The following DCHS2 variants were observed in gnomAD, a reference collection of about 807,000 sequenced individuals.
The protein encoded by DCHS2 is dachsous cadherin-related 2, also known as protocadherin-23.
DCHS2 carries 142 observed loss-of-function variants against 182.4 expected under a neutral mutation model. The observed-to-expected ratio is 0.78, with a 90% CI of 0.68 to 0.89. The LOEUF is 0.89. Among genes scored for constraint, DCHS2 ranks in the 40% least tolerant of loss-of-function variants. The pLI, the probability that DCHS2 is intolerant of heterozygous loss-of-function variation, is 0.00. For missense variants in DCHS2, 4,319 were observed against 4,198.6 expected (o/e 1.03, Z -0.79); for synonymous variants, 1,740 against 1,663.3 (o/e 1.05, Z -1.12).
chr4:154,239,449 G>C (rs1411631219), intron 18 of DCHS2, 147 bp from the exon 19 acceptor site: 3 of 1,258,204 alleles, frequency 2.4e-6, no homozygotes, highest in Non-Finnish European at 3.3e-6. Flanking sequence ...ATTAATTTAT[G>C]GAATTGGCAT....
intron 3 of DCHS2, chr4:154,355,620 C>A (rs1278455369): frequency 2.0e-5 from 3 of 152,160 alleles, no homozygotes; most frequent in Admixed American, 6.5e-5. Flanking sequence ...GGTCCAAGAA[C>A]CCTCTCTTGG....
intron 4 of DCHS2, 167 bp from the exon 5 acceptor site, chr4:154,333,661 G>C: frequency 1.4e-6 from 1 of 711,774 alleles, no homozygotes; most frequent in Non-Finnish European, 2.3e-6. Context: ...GTATTTTATT[G>C]TACCTTTTCT....
intron 1 of DCHS2, among the ~76,000 whole-genome samples, chr4:154,419,461 G>A (rs1733005872): frequency 6.6e-6 from 1 of 151,958 alleles, no homozygotes; most frequent in African/African-American, 2.4e-5. Context: ...GACCAGCCTG[G>A]CCAATGTGGT....
Position 154,322,495 on chromosome 4 carries a change from A to G in DCHS2, c.4019-7T>C. On this transcript the variant is annotated splice_region_variant and splice_polypyrimidine_tract_variant and intron_variant, in intron 7 of 19. Coordinates refer to ENST00000357232, the MANE Select transcript of DCHS2 (RefSeq NM_001358235.2). Reference sequence around the variant, plus strand: ...AAGTGATCAGAACTATCTTCTACACACACAAGAAAATTAAGAAATGAATGT... The same window carrying G: ...AAGTGATCAGAACTATCTTCTACACGCACAAGAAAATTAAGAAATGAATGT... 6.3e-7 allele frequency: 1 copy of G among 1,584,538 alleles called. No individual in the cohort carries two copies. The highest frequency in any genetic ancestry group is 8.6e-7 in the Non-Finnish European group (1 of 1,167,698).
chr4:154,273,846 A>G lies in DCHS2; in HGVS notation c.6464-3833T>C, dbSNP rs528299134. ...TACGATTACACATACTGGTAAAAGT[A>G]TGCACACTGTCCTGATTGGGGAGAG... On this transcript the variant is annotated intron_variant, in intron 13 of 19. Transcript: ENST00000357232. 2.6e-5 allele frequency among the ~76,000 whole-genome samples: 4 copies of G among 152,238 alleles called. No individual in the cohort carries two copies. In the South Asian group the frequency reaches 6.2e-4, roughly 24 times the overall value.
At chr4:154,322,610 A>G (rs555461554) in intron 7 of DCHS2, 122 bp from the exon 8 acceptor site, 2 of 1,271,844 alleles carry the variant, frequency 1.6e-6, no homozygotes, top group African/African-American at 3.0e-5. Context: ...TGAGAGTATG[A>G]ACACAAAAAT....
At chr4:154,454,415 T>A (rs1206474810) in intron 1 of DCHS2, among the ~76,000 whole-genome samples, 1 of 152,152 alleles carries the variant, frequency 6.6e-6, no homozygotes, top group Non-Finnish European at 1.5e-5. Flanking sequence ...AGTTAATTTT[T>A]CTATTTTTTA....
intron 3 of DCHS2, among the ~76,000 whole-genome samples, chr4:154,351,396 G>T (rs922481729): frequency 1.3e-5 from 2 of 152,088 alleles, no homozygotes; most frequent in Non-Finnish European, 2.9e-5. Context: ...AGAAATTAAT[G>T]CAACTGCAAT....
At chr4:154,341,669 T>C (rs1729113215) in intron 3 of DCHS2, among the ~76,000 whole-genome samples, 1 of 152,154 alleles carries the variant, frequency 6.6e-6, no homozygotes, top group African/African-American at 2.4e-5. Flanking sequence ...AATTCCTGTG[T>C]AGTAATGGGA....
intron 1 of DCHS2, among the ~76,000 whole-genome samples, chr4:154,467,350 T>C (rs4696578): frequency 0.92 from 139,408 of 152,164 alleles, 65,126 homozygotes; most frequent in East Asian, 1. Flanking sequence ...TTGCCAGGCA[T>C]GAAATGATAC....
At chr4:154,304,568 G>T in intron 12 of DCHS2, 101 bp downstream of exon 12, 1 of 1,016,144 alleles carries the variant, frequency 9.8e-7, no homozygotes, top group Non-Finnish European at 1.4e-6. Flanking sequence ...GGGAGGTGAA[G>T]TTGCAGTGAG....
At chr4:154,434,469 A>T (rs1360102390) in intron 1 of DCHS2, among the ~76,000 whole-genome samples, 1 of 152,234 alleles carries the variant, frequency 6.6e-6, no homozygotes, top group Non-Finnish European at 1.5e-5. Flanking sequence ...TATTGTTTAA[A>T]TTATACATAT....
At position 154,234,213 on chromosome 4, in the gene DCHS2, T is replaced by TAAAC. The variant is rs1731330290; in HGVS notation, c.*319_*322dup. ...GAGTACACTATATTTTGTTTCCATATAAACATTCTGGCAGTCAGTTAAGTT... is the reference window on the plus strand; with the variant it reads ...GAGTACACTATATTTTGTTTCCATATAAACAAACATTCTGGCAGTCAGTTAAGTT... On this transcript the variant is annotated 3_prime_UTR_variant, in exon 20 of 20. Coordinates refer to ENST00000357232, the MANE Select transcript of DCHS2 (RefSeq NM_001358235.2). 4.4e-6 allele frequency: 1 copy of TAAAC among 224,846 alleles called. No homozygotes were observed. The highest frequency in any genetic ancestry group is 2.3e-5 in the African/African-American group (1 of 43,532). The allele number at this position is 224,846 out of a possible 1,614,324, so 13.9% of individuals were successfully genotyped here.
At chr4:154,321,829 T>C (rs1297151446) in intron 8 of DCHS2, among the ~76,000 whole-genome samples, 1 of 152,162 alleles carries the variant, frequency 6.6e-6, no homozygotes, top group Non-Finnish European at 1.5e-5. Flanking sequence ...CTTTGAGTGG[T>C]TGGTGTAATT....
At chr4:154,488,952 T>C (rs1472004236) in intron 1 of DCHS2, among the ~76,000 whole-genome samples, 1 of 151,724 alleles carries the variant, frequency 6.6e-6, no homozygotes, top group Non-Finnish European at 1.5e-5. Context: ...ATTTATATGA[T>C]ATGATGTGAG....
In DCHS2 at chr4:154,328,077, G is replaced by A; in HGVS notation, c.4018+16C>T. The A allele has an allele frequency of 1.9e-6, 3 of 1,566,256 alleles. No individual in the cohort carries two copies. The highest frequency in any genetic ancestry group is 1.2e-5 in the South Asian group (1 of 84,136). On this transcript the variant is annotated intron_variant, in intron 7 of 19. Transcript: ENST00000357232. ...ATCCTAAAAGTTCTTAATCCCGTATGAACAGTAAGTTTTACCTGAAGATAC... is the reference window on the plus strand; with the variant it reads ...ATCCTAAAAGTTCTTAATCCCGTATAAACAGTAAGTTTTACCTGAAGATAC...
At chr4:154,488,055 G>A (rs546200587) in intron 1 of DCHS2, among the ~76,000 whole-genome samples, 2 of 152,316 alleles carry the variant, frequency 1.3e-5, no homozygotes, top group African/African-American at 4.8e-5. Context: ...GCGCATGCCT[G>A]TGCTTGCAGC....
At chr4:154,419,548 G>C (rs891009743) in intron 1 of DCHS2, among the ~76,000 whole-genome samples, 3 of 150,982 alleles carry the variant, frequency 2.0e-5, no homozygotes. Flanking sequence ...CTACTTGGGA[G>C]GCTGAGGCAG....
intron 2 of DCHS2, among the ~76,000 whole-genome samples, chr4:154,371,531 C>T (rs763881339): frequency 3.9e-5 from 6 of 152,064 alleles, no homozygotes; most frequent in Non-Finnish European, 7.4e-5. Flanking sequence ...AGAAGCATTT[C>T]GAAGGGCAGA....
Sources: allele counts gnomAD v4.1 joint callset (sites outside exome capture counted in the v4.1 genomes callset), GRCh38; gene constraint gnomAD v4.1.1; transcripts MANE v1.5; gene names NCBI Gene and HGNC (gene_info 2026-07-23, HGNC 2026-07-21).